The following UNC5D variants were observed in gnomAD, a reference collection of about 807,000 sequenced individuals.
UNC5D encodes the protein unc-5 netrin receptor D.
UNC5D carries 39 observed loss-of-function variants against 105.4 expected under a neutral mutation model. The ratio of observed to expected loss-of-function variants is 0.37; its 90% confidence interval spans 0.29 to 0.48. The LOEUF (loss-of-function observed/expected upper bound fraction) is 0.48, where lower values mean the gene tolerates loss of function less well. UNC5D is among the 20% of genes least tolerant of loss of function. The probability of loss-of-function intolerance (pLI) is 0.98; values close to 1 mark genes in which losing one functional copy is unlikely to be tolerated. For missense variants in UNC5D, 991 were observed against 1,202.4 expected, an observed-to-expected ratio of 0.82 and a Z score of 2.60; for synonymous variants, 452 against 450.4, an observed-to-expected ratio of 1.00 and a Z score of -0.04.
intron 1 of UNC5D, among the ~76,000 whole-genome samples, chr8:35,411,576 T>G (rs115667187): frequency 0.014 from 2,123 of 152,150 alleles, 54 homozygotes; most frequent in African/African-American, 0.049. Context: ...AATAAAATAG[T>G]TCTCATTTAG....
intron 1 of UNC5D, among the ~76,000 whole-genome samples, chr8:35,311,078 A>G (rs1310760611): frequency 6.6e-6 from 1 of 152,168 alleles, no homozygotes; most frequent in Non-Finnish European, 1.5e-5. Context: ...GGCCTCATGG[A>G]GGAGAGTGTA....
intron 1 of UNC5D, among the ~76,000 whole-genome samples, chr8:35,505,248 G>C (rs893962572): frequency 6.6e-6 from 1 of 152,188 alleles, no homozygotes; most frequent in Non-Finnish European, 1.5e-5. Context: ...ATAATTTTGG[G>C]ATAAATGTGG....
intron 1 of UNC5D, among the ~76,000 whole-genome samples, chr8:35,305,135 T>C (rs772203282): frequency 2.6e-5 from 4 of 152,096 alleles, no homozygotes; most frequent in Non-Finnish European, 5.9e-5. Context: ...ATAGCGGTCA[T>C]CAAATATTTG....
At chr8:35,404,668 A>C (rs1218505572) in intron 1 of UNC5D, among the ~76,000 whole-genome samples, 1 of 151,762 alleles carries the variant, frequency 6.6e-6, no homozygotes, top group African/African-American at 2.4e-5. Context: ...ACTCACTGCA[A>C]CCTCTGCCTC....
chr8:35,628,850 C>A (rs985363795), intron 4 of UNC5D, among the ~76,000 whole-genome samples: 3 of 152,116 alleles, frequency 2.0e-5, no homozygotes, highest in African/African-American at 7.2e-5. Context: ...TAGAAAATTT[C>A]TGTGTATCTC....
intron 1 of UNC5D, among the ~76,000 whole-genome samples, chr8:35,248,968 ATT>A (rs1803458444): frequency 4.3e-5 from 4 of 93,494 alleles, no homozygotes; most frequent in African/African-American, 1.4e-4. Context: ...TATAATATAT[ATT>A]ATATATTTTT....
At chr8:35,712,788 T>C (rs1174883820) in intron 8 of UNC5D, among the ~76,000 whole-genome samples, 1 of 152,194 alleles carries the variant, frequency 6.6e-6, no homozygotes, top group Non-Finnish European at 1.5e-5. Flanking sequence ...GTCTGTGTCT[T>C]TGGTCATACC....
chr8:35,723,898 T>C (rs1828720650), intron 9 of UNC5D, among the ~76,000 whole-genome samples: 1 of 152,112 alleles, frequency 6.6e-6, no homozygotes, highest in African/African-American at 2.4e-5. Flanking sequence ...GTTATCCTCT[T>C]GAGTCTCAAG....
intron 4 of UNC5D, among the ~76,000 whole-genome samples, chr8:35,676,628 A>G (rs1329156099): frequency 2.6e-5 from 4 of 152,230 alleles, no homozygotes; most frequent in African/African-American, 9.6e-5. Flanking sequence ...CTCAGCATAC[A>G]TGCAAACCCT....
intron 7 of UNC5D, among the ~76,000 whole-genome samples, chr8:35,703,985 GCT>G (rs1429249554): frequency 6.6e-6 from 1 of 152,166 alleles, no homozygotes; most frequent in Non-Finnish European, 1.5e-5. Context: ...GGGACCACCT[GCT>G]CTCAGGAAAA....
At chr8:35,487,455 C>T (rs531027150) in intron 1 of UNC5D, among the ~76,000 whole-genome samples, 2 of 152,142 alleles carry the variant, frequency 1.3e-5, no homozygotes, top group South Asian at 4.1e-4. Context: ...TGAAGCTCTT[C>T]CCTGGATCCC....
chr8:35,626,976 T>G (rs908897312), intron 4 of UNC5D, among the ~76,000 whole-genome samples: 5 of 152,212 alleles, frequency 3.3e-5, no homozygotes, highest in African/African-American at 1.2e-4. Context: ...TAACTAGCAC[T>G]TTGGTGACTT....
At chr8:35,250,380 A>G (rs1368073319) in intron 1 of UNC5D, among the ~76,000 whole-genome samples, 1 of 152,136 alleles carries the variant, frequency 6.6e-6, no homozygotes, top group Non-Finnish European at 1.5e-5. Context: ...TTCAACTTAT[A>G]TTTTAGATTC....
At chr8:35,416,974 T>C (rs917073870) in intron 1 of UNC5D, among the ~76,000 whole-genome samples, 1 of 152,192 alleles carries the variant, frequency 6.6e-6, no homozygotes, top group African/African-American at 2.4e-5. Flanking sequence ...ATAGTAGATG[T>C]ACATATTTAT....
intron 15 of UNC5D, among the ~76,000 whole-genome samples, chr8:35,772,019 T>C (rs1437553704): frequency 6.9e-6 from 1 of 144,200 alleles, no homozygotes; most frequent in Admixed American, 6.7e-5. Flanking sequence ...AAGTGAGGTC[T>C]TTCTGCTTCT....
At chr8:35,465,848 G>T (rs1236504998) in intron 1 of UNC5D, among the ~76,000 whole-genome samples, 4 of 152,164 alleles carry the variant, frequency 2.6e-5, no homozygotes, top group African/African-American at 9.7e-5. Context: ...AGGAGTTAGA[G>T]GGGGATGTTA....
intron 2 of UNC5D, among the ~76,000 whole-genome samples, chr8:35,556,602 T>C (rs898533325): frequency 2.0e-5 from 3 of 152,212 alleles, no homozygotes; most frequent in African/African-American, 7.2e-5. Flanking sequence ...ACACATCCAC[T>C]GTAGGTACAA....
intron 11 of UNC5D, among the ~76,000 whole-genome samples, 158 bp from the exon 12 acceptor site, chr8:35,748,369 C>A (rs970061321): frequency 2.6e-5 from 4 of 152,292 alleles, no homozygotes; most frequent in South Asian, 2.1e-4. Flanking sequence ...AACTTCATGA[C>A]AAATGCTTGT....
At chr8:35,347,126 C>T (rs1318181650) in intron 1 of UNC5D, among the ~76,000 whole-genome samples, 1 of 151,958 alleles carries the variant, frequency 6.6e-6, no homozygotes, top group East Asian at 1.9e-4. Context: ...GGAAAATGGC[C>T]TTTGAGTCTT....
Sources: gnomAD v4.1 joint callset for allele counts (sites outside exome capture counted in the v4.1 genomes callset) on GRCh38, gnomAD v4.1.1 for gene constraint, MANE v1.5 for transcripts, NCBI Gene and HGNC (gene_info 2026-07-23, HGNC 2026-07-21) for gene names.